The following MTUS1 variants were observed in gnomAD, a reference collection of about 807,000 sequenced individuals.
MTUS1 encodes the protein microtubule associated scaffold protein 1, also known as microtubule-associated tumor suppressor 1.
In MTUS1, 109 loss-of-function variants were observed where a neutral mutation model predicts 120.8. That is an observed-to-expected ratio of 0.90 (90% CI 0.77 to 1.06). The LOEUF is 1.06. MTUS1 is among the 50% of genes least tolerant of loss of function. MTUS1 has a pLI of 0.00. For missense variants in MTUS1, 2,210 were observed against 1,486.3 expected, an observed-to-expected ratio of 1.49 and a Z score of -8.01; for synonymous variants, 737 against 550.5, an observed-to-expected ratio of 1.34 and a Z score of -4.74.
intron 6 of MTUS1, among the ~76,000 whole-genome samples, chr8:17,690,786 A>G (rs1478796488): frequency 1.3e-5 from 2 of 152,176 alleles, no homozygotes; most frequent in Non-Finnish European, 2.9e-5. Flanking sequence ...TTTTCCACAG[A>G]GCCACATAAT....
At chr8:17,779,204 G>A (rs1160821767) in intron 1 of MTUS1, among the ~76,000 whole-genome samples, 2 of 152,178 alleles carry the variant, frequency 1.3e-5, no homozygotes, top group Non-Finnish European at 2.9e-5. Flanking sequence ...CAACTCAACT[G>A]TTTCAACATG....
At chr8:17,768,044 G>A (rs2049702035) in intron 1 of MTUS1, among the ~76,000 whole-genome samples, 1 of 152,112 alleles carries the variant, frequency 6.6e-6, no homozygotes. Context: ...CAGAGAGGCT[G>A]GCACACAATA....
chr8:17,668,344 A>T (rs1397428667), intron 8 of MTUS1, among the ~76,000 whole-genome samples: 1 of 152,200 alleles, frequency 6.6e-6, no homozygotes, highest in Admixed American at 6.5e-5. Flanking sequence ...TTAGATGAAA[A>T]GTCTGATTCC....
intron 1 of MTUS1, among the ~76,000 whole-genome samples, chr8:17,775,581 T>C (rs2050358579): frequency 1.3e-5 from 2 of 152,264 alleles, no homozygotes; most frequent in African/African-American, 2.4e-5. Context: ...AAGTTCTTTG[T>C]TAAAATCTTC....
At chr8:17,651,817 C>T (rs187952438) in intron 12 of MTUS1, 91 of 152,254 alleles carry the variant, frequency 6.0e-4, no homozygotes, top group African/African-American at 2.0e-3. Context: ...AGAAGAATCC[C>T]CTTTGTGTAC....
intron 1 of MTUS1, chr8:17,770,554 GGA>G (rs1483737456): frequency 1.3e-5 from 2 of 152,140 alleles, no homozygotes. Context: ...TCTTTTTCAT[GGA>G]GCAATGCAGA....
intron 1 of MTUS1, among the ~76,000 whole-genome samples, chr8:17,762,235 C>T (rs1183832274): frequency 2.6e-5 from 4 of 152,142 alleles, no homozygotes; most frequent in South Asian, 2.1e-4. Context: ...GCCGAGATCA[C>T]ACCACCACAC....
chr8:17,652,848 AG>A (rs1361000453), intron 12 of MTUS1, among the ~76,000 whole-genome samples: 29 of 150,992 alleles, frequency 1.9e-4, no homozygotes, highest in Non-Finnish European at 2.7e-4. Flanking sequence ...AAAAAAAAAA[AG>A]AAAGAGTGAA....
chr8:17,754,954 C>G lies in MTUS1; in HGVS notation c.854G>C (p.Gly285Ala), dbSNP rs766224168. The G allele has an allele frequency of 6.2e-7, 1 of 1,614,088 alleles. No individual in the cohort carries two copies. The highest frequency in any genetic ancestry group is 8.5e-7 in the Non-Finnish European group (1 of 1,179,978). ...TGTTAGTGCTTGTGTCTCCTTTTCT[C>G]CAACTAGTCTTTGTTGTGATCCATC... The part of the protein sequence containing the change: ...YTDGSQQRLV[G>A]EKETQALTPV... The change falls in exon 2 of 15, where the codon GGA becomes GCA. Residue 285 changes from glycine to alanine, a missense_variant. Gly to Ala is a moderately conservative substitution (Grantham distance 60, BLOSUM62 0). Transcript: ENST00000693296.
chr8:17,754,373 A>T lies in MTUS1; in HGVS notation c.1435T>A (p.Leu479Ile), dbSNP rs772277578. ...EAPVNLCKPSLGKSTIKTNTP... is the reference protein window; with the variant it reads ...EAPVNLCKPSIGKSTIKTNTP... ...TTCGTTTTGATTGTTGATTTTCCTA[A>T]ACTGGGTTTACACAGGTTCACAGGT... Residue 479 changes from leucine (L) to isoleucine (I), a missense_variant, in exon 2 of 15, where the codon TTA (leucine) becomes ATA (isoleucine). Leu to Ile is a conservative substitution (Grantham distance 5). Coordinates refer to ENST00000693296, the MANE Select transcript of MTUS1 (RefSeq NM_001363059.2). The T allele has an allele frequency of 1.4e-5, 22 of 1,613,810 alleles. No individual in the cohort carries two copies. In the Admixed American group the frequency reaches 3.2e-4, roughly 23 times the overall value.
rs1402894982 is a variant in MTUS1 at position 17,754,521 on chromosome 8, T to G, written c.1287A>C (p.Ser429=). ...VISTDKTMCM[S]TPVLEPTKVT... ...CTTTTGTGGGTTCTAGGACTGGTGT[T>G]GACATGCACATCGTTTTGTCTGTGC... is the stretch of plus-strand genomic sequence containing the variant. Residue 429 remains serine (S), a synonymous_variant, in exon 2 of 15, where the codon TCA becomes TCC. Transcript: ENST00000693296. 1 of 1,614,124 alleles carries G rather than the reference T, an allele frequency of 6.2e-7. No individual in the cohort carries two copies. Among genetic ancestry groups the G allele is most frequent in the Non-Finnish European group, 8.5e-7 (1 of 1,180,044 alleles).
intron 1 of MTUS1, among the ~76,000 whole-genome samples, chr8:17,773,625 G>C (rs1287504686): frequency 3.3e-5 from 5 of 152,148 alleles, no homozygotes; most frequent in Non-Finnish European, 7.4e-5. Flanking sequence ...GAGACAGTAA[G>C]AGCCTGCCAG....
At chr8:17,775,149 T>C (rs2050322234) in intron 1 of MTUS1, among the ~76,000 whole-genome samples, 1 of 152,100 alleles carries the variant, frequency 6.6e-6, no homozygotes, top group Non-Finnish European at 1.5e-5. Context: ...TGTGGGATGA[T>C]GAACAAGTTC....
chr8:17,767,740 G>A (rs776561741), intron 1 of MTUS1, among the ~76,000 whole-genome samples: 16 of 127,604 alleles, frequency 1.3e-4, no homozygotes, highest in Non-Finnish European at 2.4e-4. Context: ...AGACTGAAGT[G>A]CAGCAAGATG....
chr8:17,673,508 G>A (rs1369530560), intron 8 of MTUS1, among the ~76,000 whole-genome samples: 3 of 152,148 alleles, frequency 2.0e-5, no homozygotes, highest in African/African-American at 7.2e-5. Context: ...CTGGAGGGCA[G>A]CAGCACAATG....
intron 6 of MTUS1, among the ~76,000 whole-genome samples, chr8:17,694,008 A>C (rs1403780620): frequency 6.6e-6 from 1 of 152,262 alleles, no homozygotes; most frequent in African/African-American, 2.4e-5. Context: ...AGGCTGGATT[A>C]TACAAAACTG....
At chr8:17,724,068 G>A in intron 3 of MTUS1, 1 of 578,400 alleles carries the variant, frequency 1.7e-6, no homozygotes, top group Non-Finnish European at 3.1e-6. Flanking sequence ...GAGAAGTGTA[G>A]GAGTAACCCT....
chr8:17,788,610 G>C (rs2051507370), intron 1 of MTUS1, among the ~76,000 whole-genome samples: 1 of 152,138 alleles, frequency 6.6e-6, no homozygotes, highest in African/African-American at 2.4e-5. Context: ...TGTGCCAGCT[G>C]CCTGCAGTCC....
At chr8:17,762,988 C>T (rs1015535564) in intron 1 of MTUS1, among the ~76,000 whole-genome samples, 1 of 109,470 alleles carries the variant, frequency 9.1e-6, no homozygotes, top group African/African-American at 3.0e-5. Context: ...CTTTCACATC[C>T]AATGGTACCT....
Sources: gnomAD v4.1 joint callset for allele counts (sites outside exome capture counted in the v4.1 genomes callset) on GRCh38, gnomAD v4.1.1 for gene constraint, MANE v1.5 for transcripts, NCBI Gene and HGNC (gene_info 2026-07-23, HGNC 2026-07-21) for gene names.